Variants in PGAP2 observed in about 807,000 individuals in gnomAD.
The protein encoded by PGAP2 is acyltransferase PGAP2.
In PGAP2, 21 loss-of-function variants were observed where a neutral mutation model predicts 33.2. The ratio of observed to expected loss-of-function variants is 0.63; its 90% confidence interval spans 0.45 to 0.91. PGAP2 has a LOEUF of 0.91. Among genes scored for constraint, PGAP2 ranks in the 40% least tolerant of loss-of-function variants. The pLI, the probability that PGAP2 is intolerant of heterozygous loss-of-function variation, is 0.00. For synonymous variants in PGAP2, 161 were observed against 172.9 expected, an observed-to-expected ratio of 0.93 and a Z score of 0.54; for missense variants, 345 against 424.0, an observed-to-expected ratio of 0.81 and a Z score of 1.64.
At chr11:3,818,069 A>AAAC in intron 3 of PGAP2, 2 of 306,568 alleles carry the variant, frequency 6.5e-6, no homozygotes, top group South Asian at 5.4e-5. Context: ...AAATAAAAAA[A>AAAC]AAAAAACAGC....
chr11:3,807,169 C>T (rs1196287164), upstream of PGAP2, among the ~76,000 whole-genome samples: 1 of 150,976 alleles, frequency 6.6e-6, no homozygotes, highest in Non-Finnish European at 1.5e-5. Context: ...AACCTCGCCT[C>T]TACTAAAAAC....
In PGAP2 at chr11:3,815,349, C is replaced by T. The variant is rs2086767483; in HGVS notation, c.166-2004C>T. Among the ~76,000 whole-genome samples the T allele has an allele frequency of 4.0e-5, 6 of 151,636 alleles. No individual in the cohort carries two copies. In the South Asian group the frequency reaches 1.3e-3, roughly 32 times the overall value. On this transcript the variant is annotated intron_variant, in intron 2 of 6. Coordinates refer to ENST00000278243, the MANE Select transcript of PGAP2 (RefSeq NM_014489.4). ...CTTGAGATGGAATCTCGCTTTGTCA[C>T]CCAGGCTGGAGTGCAATGGCACGAT...
intron 3 of PGAP2, among the ~76,000 whole-genome samples, chr11:3,818,234 T>C (rs562501834): frequency 7.8e-4 from 116 of 149,060 alleles, no homozygotes; most frequent in African/African-American, 2.8e-3. Context: ...GGCATGGTGA[T>C]GTGTGCCTGT....
chr11:3,809,022 G>T (rs748599486), intron 1 of PGAP2, among the ~76,000 whole-genome samples: 2 of 152,160 alleles, frequency 1.3e-5, no homozygotes, highest in Non-Finnish European at 2.9e-5. Context: ...ACCTCCCTGA[G>T]CCTCAGTTTC....
chr11:3,797,745 T>C, upstream of PGAP2: 1 of 1,403,276 alleles, frequency 7.1e-7, no homozygotes, highest in Non-Finnish European at 9.7e-7. Context: ...AGGCACAGGG[T>C]AGGAGCGGTG....
intron 1 of PGAP2, chr11:3,798,218 G>A (rs1459468918): frequency 1.2e-5 from 13 of 1,098,906 alleles, no homozygotes; most frequent in South Asian, 2.0e-5. Flanking sequence ...TTCTAGGATG[G>A]ACATTAGGAG....
intron 2 of PGAP2, among the ~76,000 whole-genome samples, chr11:3,814,010 T>C (rs2086192499): frequency 6.6e-6 from 1 of 152,178 alleles, no homozygotes; most frequent in Non-Finnish European, 1.5e-5. Context: ...GGGTATGTTG[T>C]CCCCACTGCC....
chr11:3,799,481 C>T (rs1162766193), intron 1 of PGAP2, among the ~76,000 whole-genome samples: 2 of 152,112 alleles, frequency 1.3e-5, no homozygotes, highest in Admixed American at 1.3e-4. Flanking sequence ...GCGGAGATTA[C>T]AGTGAGTGGA....
At chr11:3,818,748 TAACA>T (rs1456036288) in intron 3 of PGAP2, among the ~76,000 whole-genome samples, 2 of 152,174 alleles carry the variant, frequency 1.3e-5, no homozygotes, top group Non-Finnish European at 2.9e-5. Context: ...GACTTGCCCT[TAACA>T]TCTCAATGTT....
chr11:3,805,205 G>A (rs1268398118), upstream of PGAP2, among the ~76,000 whole-genome samples: 1 of 151,754 alleles, frequency 6.6e-6, no homozygotes, highest in Non-Finnish European at 1.5e-5. Flanking sequence ...CCTCCCACAT[G>A]GCTGGCACAC....
intron 2 of PGAP2, among the ~76,000 whole-genome samples, chr11:3,817,073 A>G (rs1590298952): frequency 6.6e-6 from 1 of 152,080 alleles, no homozygotes; most frequent in African/African-American, 2.4e-5. Context: ...TGTCCAAGCC[A>G]CCGGGAGCCT....
At chr11:3,824,428 G>C in intron 5 of PGAP2, 52 bp downstream of exon 5, 1 of 1,614,036 alleles carries the variant, frequency 6.2e-7, no homozygotes, top group Non-Finnish European at 8.5e-7. Context: ...GAAAATCAAG[G>C]ACATCTGTCC....
chr11:3,814,371 C>T (rs1027213032), intron 2 of PGAP2, among the ~76,000 whole-genome samples: 7 of 152,190 alleles, frequency 4.6e-5, no homozygotes, highest in Non-Finnish European at 8.8e-5. Flanking sequence ...ATTCTCCTGC[C>T]TCAGCCTCCT....
intron 1 of PGAP2, chr11:3,798,050 C>G (rs953325164): frequency 1.4e-5 from 22 of 1,522,086 alleles, no homozygotes; most frequent in Non-Finnish European, 1.8e-5. Flanking sequence ...AGTCTCTCTG[C>G]CCGCACTTCC....
In PGAP2 at chr11:3,803,004, T is replaced by G. The variant is rs1369403255; in HGVS notation, c.139+5022T>G. Among the ~76,000 whole-genome samples, 304 of 147,036 alleles carry G rather than the reference T, an allele frequency of 2.1e-3. 16 individuals are homozygous for G. Among genetic ancestry groups the G allele is most frequent in the African/African-American group, 7.1e-3 (287 of 40,352 alleles). On this transcript the variant is annotated intron_variant, in intron 1 of 6. Coordinates refer to the PGAP2 transcript ENST00000300730. ...ACCACACCCGGCTAATTTTTTTTTT[T>G]TCTTTTGGAGACAGAGTCTCACTCT... is the stretch of plus-strand genomic sequence containing the variant.
At chr11:3,807,659 C>T (rs2084659762), upstream of PGAP2, among the ~76,000 whole-genome samples, 1 of 152,050 alleles carries the variant, frequency 6.6e-6, no homozygotes, top group Admixed American at 6.6e-5. Flanking sequence ...GTAAGAGTGC[C>T]TGGGATATAC....
At chr11:3,807,944 C>G, upstream of PGAP2, 1 of 725,266 alleles carries the variant, frequency 1.4e-6, no homozygotes, top group Non-Finnish European at 1.8e-6. Flanking sequence ...GATCAATCCT[C>G]TCATTGTGGG....
intron 5 of PGAP2, 37 bp from the exon 6 acceptor site, chr11:3,824,983 A>G (rs1481936204): frequency 6.2e-7 from 1 of 1,613,480 alleles, no homozygotes; most frequent in Non-Finnish European, 8.5e-7. Flanking sequence ...TCTCATACCC[A>G]GCAAGCTGCA....
intron 1 of PGAP2, among the ~76,000 whole-genome samples, chr11:3,798,828 A>T (rs183351964): frequency 6.9e-6 from 1 of 143,988 alleles, no homozygotes; most frequent in East Asian, 2.1e-4. Context: ...TTTTTAGTAG[A>T]GATGGGGTTT....
Sources: gnomAD v4.1 joint callset for allele counts (sites outside exome capture counted in the v4.1 genomes callset) on GRCh38, gnomAD v4.1.1 for gene constraint, MANE v1.5 for transcripts, NCBI Gene and HGNC (gene_info 2026-07-23, HGNC 2026-07-21) for gene names.